TRPC5: variants seen among roughly 807,000 people sequenced by gnomAD.
TRPC5 encodes short transient receptor potential channel 5.
Under a neutral mutation model 56.5 loss-of-function variants are expected in TRPC5, and 9 were observed. That is an observed-to-expected ratio of 0.16 (90% CI 0.10 to 0.28). TRPC5 has a LOEUF of 0.28. Among genes scored for constraint, TRPC5 ranks in the 10% least tolerant of loss-of-function variants. The pLI, the probability that TRPC5 is intolerant of heterozygous loss-of-function variation, is 1.00. For missense variants in TRPC5, 469 were observed against 748.9 expected, an observed-to-expected ratio of 0.63 and a Z score of 4.36; for synonymous variants, 282 against 278.5, an observed-to-expected ratio of 1.01 and a Z score of -0.13.
At chrX:111,819,001 G>A (rs1243254928) in intron 7 of TRPC5, among the ~76,000 whole-genome samples, 1 of 111,851 alleles carries the variant, frequency 8.9e-6, no homozygotes, top group African/African-American at 3.3e-5. Flanking sequence ...TCACCAAAGT[G>A]AAAAAATTTG....
At chrX:111,811,602 G>C (rs1164792406) in intron 7 of TRPC5, among the ~76,000 whole-genome samples, 2 of 111,482 alleles carry the variant, frequency 1.8e-5, no homozygotes, top group African/African-American at 6.5e-5. Context: ...TTTTGGGGGG[G>C]AGTCAAACAA....
intron 1 of TRPC5, among the ~76,000 whole-genome samples, chrX:111,969,956 C>T (rs911820975): frequency 2.7e-5 from 3 of 110,646 alleles, no homozygotes; most frequent in African/African-American, 6.6e-5. Context: ...CTGTGTCATA[C>T]GTTTATAGAT....
chrX:111,797,470 A>C (rs2148558386), intron 7 of TRPC5, among the ~76,000 whole-genome samples: 1 of 111,773 alleles, frequency 8.9e-6, no homozygotes, highest in Non-Finnish European at 1.9e-5. Flanking sequence ...CTTTTCTAGG[A>C]GGGACTAAAT....
intron 1 of TRPC5, among the ~76,000 whole-genome samples, chrX:112,036,573 C>T (rs751152033): frequency 1.8e-5 from 2 of 112,208 alleles, no homozygotes; most frequent in East Asian, 5.6e-4. Context: ...ACAAAAGTTT[C>T]CTAATGTGTA....
chrX:111,983,426 A>T (rs915181030), intron 1 of TRPC5, among the ~76,000 whole-genome samples: 6 of 111,767 alleles, frequency 5.4e-5, no homozygotes, highest in Non-Finnish European at 1.1e-4. Flanking sequence ...TGATTATTAA[A>T]ATCTTCCTCT....
At chrX:112,043,827 C>A (rs1020546335) in intron 1 of TRPC5, among the ~76,000 whole-genome samples, 10 of 110,189 alleles carry the variant, frequency 9.1e-5, no homozygotes, top group African/African-American at 3.3e-4. Flanking sequence ...AAATAGAAAT[C>A]TTGAAGAAAT....
In TRPC5 at chrX:111,888,693, C is replaced by CAAAA. The variant is rs753735549; in HGVS notation, c.900+23594_900+23597dup. On this transcript the variant is annotated intron_variant, in intron 3 of 10. Coordinates refer to ENST00000262839, the MANE Select transcript of TRPC5 (RefSeq NM_012471.3). Reference sequence around the variant, plus strand: ...TGGGTGACAGAGCGAGACTCTATCTCAAAAAAAAAAAAAAAAAAAAAAAAA... The same window carrying CAAAA: ...TGGGTGACAGAGCGAGACTCTATCTCAAAAAAAAAAAAAAAAAAAAAAAAAAAAA... Among the ~76,000 whole-genome samples, 105 of 10,951 alleles carry CAAAA rather than the reference C, an allele frequency of 9.6e-3. 8 individuals carry two copies. Among genetic ancestry groups the CAAAA allele is most frequent in the African/African-American group, 0.022 (99 of 4,488 alleles). 9.5% of individuals were successfully genotyped at this position (10,951 alleles called of 115,157 possible).
chrX:111,910,440 A>G lies in TRPC5; in HGVS notation c.900+1851T>C, dbSNP rs749833818. ...GATAAGAGAAGGATGGGCCTTTACT[A>G]TATCTATTACCTGCCATTTTACTGC... is the stretch of plus-strand genomic sequence containing the variant. On this transcript the variant is annotated intron_variant, in intron 3 of 10. Transcript: ENST00000262839. 8.0e-5 allele frequency among the ~76,000 whole-genome samples: 9 copies of G among 112,252 alleles called. No homozygotes were observed. The South Asian group carries it at 3.4e-3, about 42-fold the overall frequency.
intron 3 of TRPC5, among the ~76,000 whole-genome samples, chrX:111,878,302 G>GA (rs199629240): frequency 0.042 from 4,489 of 106,152 alleles, 233 homozygotes; most frequent in African/African-American, 0.15. Flanking sequence ...CCACACTGTA[G>GA]AAAAAGAAAA....
chrX:111,860,130 A>T (rs577782593), intron 3 of TRPC5, among the ~76,000 whole-genome samples: 2 of 112,161 alleles, frequency 1.8e-5, no homozygotes, highest in Non-Finnish European at 3.8e-5. Context: ...GGATGGTCTG[A>T]ATCTCCTGAC....
At chrX:111,909,261 C>T (rs1282463287) in intron 3 of TRPC5, among the ~76,000 whole-genome samples, 6 of 107,439 alleles carry the variant, frequency 5.6e-5, no homozygotes, top group Non-Finnish European at 7.7e-5. Context: ...ACCCAGGAGT[C>T]GGAGGTTGCA....
intron 3 of TRPC5, among the ~76,000 whole-genome samples, chrX:111,871,317 A>C (rs1382545451): frequency 9.3e-6 from 1 of 106,989 alleles, no homozygotes; most frequent in Non-Finnish European, 1.9e-5. Context: ...AGGCATTTTC[A>C]TGCATTTTTT....
chrX:111,944,303 T>TGTGTGTGTGTGTGAAAGAGA (rs1173179815), intron 2 of TRPC5, among the ~76,000 whole-genome samples: 1 of 61,393 alleles, frequency 1.6e-5, no homozygotes, highest in African/African-American at 1.1e-4. Flanking sequence ...TGTGTGTGTG[T>TGTGTGTGTGTGTGAAAGAGA]GAGAGAGAGA....
At chrX:111,940,569 T>C (rs1440797213) in intron 2 of TRPC5, among the ~76,000 whole-genome samples, 1 of 107,602 alleles carries the variant, frequency 9.3e-6, no homozygotes, top group Non-Finnish European at 1.9e-5. Flanking sequence ...CAGGCCCCTG[T>C]AGTCTCAGCC....
intron 7 of TRPC5, among the ~76,000 whole-genome samples, chrX:111,807,551 T>A (rs1239781322): frequency 2.7e-5 from 3 of 112,747 alleles, no homozygotes; most frequent in Admixed American, 1.9e-4. Context: ...TATCTCTGTA[T>A]CCCTGGGATT....
intron 7 of TRPC5, among the ~76,000 whole-genome samples, chrX:111,815,592 G>A (rs183939069): frequency 6.3e-5 from 7 of 110,694 alleles, no homozygotes; most frequent in Admixed American, 2.9e-4. Context: ...ATGGTGGCAC[G>A]CGCCTGTAAT....
At chrX:111,891,839 G>C in intron 3 of TRPC5, among the ~76,000 whole-genome samples, 1 of 111,815 alleles carries the variant, frequency 8.9e-6, no homozygotes, top group Non-Finnish European at 1.9e-5. Flanking sequence ...GAGCCACCGC[G>C]CTTGGCCGCT....
intron 1 of TRPC5, among the ~76,000 whole-genome samples, chrX:111,978,152 G>T (rs73548118): frequency 9.0e-6 from 1 of 111,384 alleles, no homozygotes; most frequent in Non-Finnish European, 1.9e-5. Context: ...ATCACAAAGA[G>T]TTAATATTCA....
At chrX:112,072,254 G>A (rs1454787887) in intron 1 of TRPC5, among the ~76,000 whole-genome samples, 5 of 111,617 alleles carry the variant, frequency 4.5e-5, no homozygotes, top group African/African-American at 1.6e-4. Context: ...TGTTAGATGA[G>A]GATAAAAACA....
Sources: allele counts gnomAD v4.1 joint callset (sites outside exome capture counted in the v4.1 genomes callset), GRCh38; gene constraint gnomAD v4.1.1; transcripts MANE v1.5; gene names NCBI Gene and HGNC (gene_info 2026-07-23, HGNC 2026-07-21).